Variants in XYLT1 observed in about 807,000 individuals in gnomAD.
The protein encoded by XYLT1 is xylosyltransferase 1.
Under a neutral mutation model 91.3 loss-of-function variants are expected in XYLT1, and 36 were observed. The ratio of observed to expected loss-of-function variants is 0.39; its 90% CI spans 0.30 to 0.52. XYLT1 has a LOEUF of 0.52. Ranked by LOEUF, XYLT1 falls within the 20% of genes least tolerant of loss-of-function variation. The pLI, the probability that XYLT1 is intolerant of heterozygous loss-of-function variation, is 0.68. For synonymous variants in XYLT1, 588 were observed against 532.0 expected, an observed-to-expected ratio of 1.11 and a Z score of -1.45; for missense variants, 1,242 against 1,284.5, an observed-to-expected ratio of 0.97 and a Z score of 0.51.
chr16:17,250,651 C>T (rs535398946), intron 3 of XYLT1: 22 of 152,436 alleles, frequency 1.4e-4, no homozygotes, highest in African/African-American at 4.8e-4. Flanking sequence ...AGTCTCTTGC[C>T]TTTCCCCAGC....
At chr16:17,432,552 T>G (rs747549403) in intron 1 of XYLT1, among the ~76,000 whole-genome samples, 1 of 152,176 alleles carries the variant, frequency 6.6e-6, no homozygotes, top group African/African-American at 2.4e-5. Context: ...ATAAGGAGTC[T>G]TATCAGGGTT....
intron 2 of XYLT1, among the ~76,000 whole-genome samples, chr16:17,267,328 C>G (rs1489655533): frequency 6.6e-6 from 1 of 152,214 alleles, no homozygotes; most frequent in Non-Finnish European, 1.5e-5. Flanking sequence ...GGGTGAGAGG[C>G]TTGATACATG....
In XYLT1 at chr16:17,312,395, T is replaced by TC. The variant is rs1405626807; in HGVS notation, c.402+45616dup. ...TCCTCATGATCATCAGGGCTGGCATTCCTGTAGCGCTTACCATGTATGGGG... is the reference window on the plus strand; with the variant it reads ...TCCTCATGATCATCAGGGCTGGCATTCCCTGTAGCGCTTACCATGTATGGGG... On this transcript the variant is annotated intron_variant, in intron 2 of 11. Transcript: ENST00000261381. The surrounding 1 kb of genome is among the most constrained non-coding windows in gnomAD (Gnocchi z 4.4). Among the ~76,000 whole-genome samples the TC allele has an allele frequency of 6.6e-6, 1 of 152,142 alleles. No homozygotes were observed. Among genetic ancestry groups the TC allele is most frequent in the African/African-American group, 2.4e-5 (1 of 41,414 alleles).
intron 2 of XYLT1, among the ~76,000 whole-genome samples, chr16:17,290,608 T>A (rs1221318402): frequency 6.6e-6 from 1 of 152,264 alleles, no homozygotes; most frequent in Non-Finnish European, 1.5e-5. Flanking sequence ...CCATGGAGCA[T>A]GCACTTGTAA....
intron 2 of XYLT1, among the ~76,000 whole-genome samples, chr16:17,318,269 C>A (rs1317134421): frequency 6.6e-6 from 1 of 152,140 alleles, no homozygotes; most frequent in African/African-American, 2.4e-5. Context: ...AAAGCCGGGG[C>A]TCTTAACCAC....
At chr16:17,292,007 C>T (rs1371822057) in intron 2 of XYLT1, among the ~76,000 whole-genome samples, 2 of 151,546 alleles carry the variant, frequency 1.3e-5, no homozygotes, top group African/African-American at 4.9e-5. Flanking sequence ...GGCAACATGG[C>T]AAAACATCGT....
chr16:17,341,354 C>G (rs2035061374), intron 2 of XYLT1, among the ~76,000 whole-genome samples: 1 of 152,094 alleles, frequency 6.6e-6, no homozygotes, highest in African/African-American at 2.4e-5. Flanking sequence ...GAAAACAGAA[C>G]TGGACAAAAT....
Position 17,191,676 on chromosome 16 carries a change from G to A in XYLT1, c.1289+6536C>T, listed in dbSNP as rs145209492. ...ACTCTGGTCTTCGGGAGACTGTAGA[G>A]AAGCCCTGGCCACCTGTTCCTGTCT... On this transcript the variant is annotated intron_variant, in intron 5 of 11. Coordinates refer to ENST00000261381, the MANE Select transcript of XYLT1 (RefSeq NM_022166.4). Among the ~76,000 whole-genome samples, 23 of 152,350 alleles carry A rather than the reference G, an allele frequency of 1.5e-4. No homozygotes were observed. In the East Asian group the frequency reaches 4.4e-3, roughly 29 times the overall value.
chr16:17,364,271 T>A (rs929959730), intron 1 of XYLT1, among the ~76,000 whole-genome samples: 2 of 152,110 alleles, frequency 1.3e-5, no homozygotes, highest in African/African-American at 4.8e-5. Flanking sequence ...TGTAACAAAG[T>A]GGAAAACAGA....
chr16:17,109,368 G>A lies in XYLT1; in HGVS notation c.2558-351C>T, dbSNP rs144108298. 2.6e-4 allele frequency among the ~76,000 whole-genome samples: 39 copies of A among 152,214 alleles called. No homozygotes were observed. The East Asian group carries it at 7.3e-3, about 29-fold the overall frequency. On this transcript the variant is annotated intron_variant, in intron 11 of 11. Coordinates refer to ENST00000261381, the MANE Select transcript of XYLT1 (RefSeq NM_022166.4). ...CATATTTACTAAACACCCATGATCT[G>A]CAAGGCACTGTCTCATTTGATAAAG...
intron 6 of XYLT1, among the ~76,000 whole-genome samples, chr16:17,158,566 A>G (rs573733255): frequency 2.5e-4 from 38 of 152,264 alleles, no homozygotes; most frequent in Non-Finnish European, 2.8e-4. Context: ...TGCTGCAATG[A>G]GATATTGGAC....
intron 1 of XYLT1, among the ~76,000 whole-genome samples, chr16:17,398,430 T>C (rs972739532): frequency 2.6e-5 from 4 of 152,080 alleles, no homozygotes; most frequent in East Asian, 3.9e-4. Flanking sequence ...CATGGCAGAT[T>C]TAAGGACTTA....
intron 1 of XYLT1, among the ~76,000 whole-genome samples, chr16:17,404,106 G>T (rs573238432): frequency 6.6e-6 from 1 of 152,104 alleles, no homozygotes; most frequent in Non-Finnish European, 1.5e-5. Flanking sequence ...TGGTTGGGGG[G>T]GGGGCTCAGG....
chr16:17,249,656 TTG>T (rs2033504627), intron 3 of XYLT1: 1 of 43,908 alleles, frequency 2.3e-5, no homozygotes, highest in African/African-American at 1.7e-4. Flanking sequence ...GTTTTTTTGT[TTG>T]TTTGTTTGTT....
intron 9 of XYLT1, among the ~76,000 whole-genome samples, chr16:17,130,326 G>T (rs983334748): frequency 6.6e-6 from 1 of 152,184 alleles, no homozygotes; most frequent in Non-Finnish European, 1.5e-5. Flanking sequence ...CAGTGTTATC[G>T]TGACAATAGA....
chr16:17,438,728 G>A (rs959127663), intron 1 of XYLT1, among the ~76,000 whole-genome samples: 1 of 152,092 alleles, frequency 6.6e-6, no homozygotes, highest in African/African-American at 2.4e-5. Context: ...AGCATATGGT[G>A]GCAGGAGAGA....
chr16:17,246,628 A>G (rs148054236), intron 3 of XYLT1, among the ~76,000 whole-genome samples: 1,948 of 152,288 alleles, frequency 0.013, 22 homozygotes, highest in Admixed American at 0.027. Context: ...ACTAGAGAAC[A>G]TCCCTTCTCC....
At chr16:17,213,563 A>C (rs1371313524) in intron 3 of XYLT1, among the ~76,000 whole-genome samples, 1 of 152,132 alleles carries the variant, frequency 6.6e-6, no homozygotes, top group Non-Finnish European at 1.5e-5. Context: ...TCTGTCAGAC[A>C]CTAAAATGGG....
At chr16:17,412,470 A>C (rs1487040180) in intron 1 of XYLT1, among the ~76,000 whole-genome samples, 2 of 150,970 alleles carry the variant, frequency 1.3e-5, no homozygotes, top group African/African-American at 4.9e-5. Context: ...CTGTAGTTAG[A>C]GGCCAAAATA....
Sources: gnomAD v4.1 joint callset for allele counts (sites outside exome capture counted in the v4.1 genomes callset) on GRCh38, gnomAD v4.1.1 for gene constraint, Gnocchi (gnomAD v3.1) non-coding constraint, MANE v1.5 for transcripts, NCBI Gene and HGNC (gene_info 2026-07-23, HGNC 2026-07-21) for gene names.